Variants in CACNA1E observed in about 807,000 individuals in gnomAD.
The protein encoded by CACNA1E is voltage-dependent R-type calcium channel subunit alpha-1E.
Under a neutral mutation model 259.2 loss-of-function variants are expected in CACNA1E, and 40 were observed. The ratio of observed to expected loss-of-function variants is 0.15; its 90% CI spans 0.12 to 0.20. The LOEUF is 0.20. CACNA1E is among the 10% of genes least tolerant of loss of function. The pLI, the probability that CACNA1E is intolerant of heterozygous loss-of-function variation, is 1.00. For missense variants in CACNA1E, 1,874 were observed against 3,040.1 expected (o/e 0.62, Z 9.02); for synonymous variants, 1,104 against 1,138.5 (o/e 0.97, Z 0.61).
At chr1:181,416,254 A>G (rs1434897235) in intron 2 of CACNA1E, among the ~76,000 whole-genome samples, 4 of 152,220 alleles carry the variant, frequency 2.6e-5, no homozygotes, top group Admixed American at 6.5e-5. Context: ...AGGCCAGGCC[A>G]TCTTGGTTCC....
chr1:181,625,147 G>C (rs921852052), intron 6 of CACNA1E, among the ~76,000 whole-genome samples: 1 of 146,704 alleles, frequency 6.8e-6, no homozygotes, highest in African/African-American at 2.5e-5. Context: ...TCCAGGCTTT[G>C]TTGTTTCATT....
chr1:181,679,910 C>G (rs974972810), intron 7 of CACNA1E, among the ~76,000 whole-genome samples: 2 of 151,936 alleles, frequency 1.3e-5, no homozygotes, highest in Admixed American at 1.3e-4. Context: ...CTTGAGCAGA[C>G]TGGGCAACAT....
intron 44 of CACNA1E, 36 bp from the exon 45 acceptor site, chr1:181,793,629 C>A: frequency 6.3e-7 from 1 of 1,598,850 alleles, no homozygotes; most frequent in Admixed American, 1.7e-5. Context: ...GAGATGGAAC[C>A]AAGTCCCACA....
At chr1:181,615,440 G>A (rs538133000) in intron 6 of CACNA1E, among the ~76,000 whole-genome samples, 4 of 152,122 alleles carry the variant, frequency 2.6e-5, no homozygotes, top group African/African-American at 9.6e-5. Context: ...TGCTCGCCTC[G>A]GCCTCCTAAA....
At chr1:181,505,394 C>T (rs757917151) in intron 1 of CACNA1E, among the ~76,000 whole-genome samples, 5 of 151,458 alleles carry the variant, frequency 3.3e-5, no homozygotes, top group Admixed American at 6.6e-5. Flanking sequence ...TTTTTTGAGA[C>T]GGAGTCTTGC....
At chr1:181,386,528 A>C (rs1655861405) in intron 1 of CACNA1E, among the ~76,000 whole-genome samples, 1 of 152,256 alleles carries the variant, frequency 6.6e-6, no homozygotes, top group African/African-American at 2.4e-5. Context: ...AATCAGGATC[A>C]GAGCCATCCA....
chr1:181,322,807 C>G (rs948295602), intron 1 of CACNA1E, among the ~76,000 whole-genome samples: 3 of 152,184 alleles, frequency 2.0e-5, no homozygotes, highest in Non-Finnish European at 2.9e-5. Flanking sequence ...TCCATAAACA[C>G]TAGTCTGGGC....
At chr1:181,346,863 T>TTGGACC (rs1393409084) in intron 1 of CACNA1E, among the ~76,000 whole-genome samples, 1 of 152,102 alleles carries the variant, frequency 6.6e-6, no homozygotes, top group African/African-American at 2.4e-5. Context: ...GGGCCACTGC[T>TTGGACC]TGGACCATAA....
chr1:181,571,546 C>A (rs1650413310), intron 3 of CACNA1E, among the ~76,000 whole-genome samples: 1 of 152,198 alleles, frequency 6.6e-6, no homozygotes, highest in South Asian at 2.1e-4. Flanking sequence ...ATGGACACAG[C>A]AACTCATTTA....
At chr1:181,396,429 G>A (rs1656686030) in intron 1 of CACNA1E, among the ~76,000 whole-genome samples, 1 of 152,230 alleles carries the variant, frequency 6.6e-6, no homozygotes, top group African/African-American at 2.4e-5. Flanking sequence ...GGAGGGCATT[G>A]ATAACCTTAA....
chr1:181,371,893 G>A (rs1430375629), intron 1 of CACNA1E, among the ~76,000 whole-genome samples: 1 of 152,186 alleles, frequency 6.6e-6, no homozygotes, highest in Non-Finnish European at 1.5e-5. Flanking sequence ...TCAGATGGTT[G>A]TAGGCATGTG....
chr1:181,559,799 G>A (rs565953470), intron 3 of CACNA1E, among the ~76,000 whole-genome samples: 1 of 152,214 alleles, frequency 6.6e-6, no homozygotes, highest in East Asian at 1.9e-4. Context: ...GGCTAAGGAG[G>A]GGCCACAGAG....
intron 1 of CACNA1E, among the ~76,000 whole-genome samples, chr1:181,394,715 TGAG>T (rs1656532387): frequency 6.6e-6 from 1 of 152,146 alleles, no homozygotes; most frequent in Non-Finnish European, 1.5e-5. Flanking sequence ...AGGTGATATT[TGAG>T]CAAATATGTG....
chr1:181,510,012 A>G (rs1227939236), intron 1 of CACNA1E, among the ~76,000 whole-genome samples: 1 of 152,172 alleles, frequency 6.6e-6, no homozygotes, highest in East Asian at 1.9e-4. Flanking sequence ...AGCCCAGGAG[A>G]GCAATGGATT....
intron 2 of CACNA1E, among the ~76,000 whole-genome samples, chr1:181,444,351 T>G (rs1660678231): frequency 1.3e-5 from 2 of 151,912 alleles, no homozygotes; most frequent in Non-Finnish European, 2.9e-5. Context: ...AGATTTTTCT[T>G]TATATTGTGT....
At chr1:181,552,881 A>G (rs931036765) in intron 3 of CACNA1E, among the ~76,000 whole-genome samples, 2 of 152,044 alleles carry the variant, frequency 1.3e-5, no homozygotes, top group Admixed American at 1.3e-4. Context: ...ACCCAGTACC[A>G]TGGTGTTTCG....
intron 1 of CACNA1E, among the ~76,000 whole-genome samples, chr1:181,339,366 C>T (rs114199230): frequency 3.1e-4 from 47 of 151,910 alleles, no homozygotes; most frequent in Non-Finnish European, 5.3e-4. Context: ...TTTTAGTGCA[C>T]AGATCTTTCA....
At chr1:181,567,919 A>G (rs1308932933) in intron 3 of CACNA1E, among the ~76,000 whole-genome samples, 1 of 152,144 alleles carries the variant, frequency 6.6e-6, no homozygotes, top group Non-Finnish European at 1.5e-5. Context: ...ATGAAACATT[A>G]TGTAATTTTA....
At chr1:181,461,521 A>G (rs1361131600) in intron 2 of CACNA1E, among the ~76,000 whole-genome samples, 1 of 142,606 alleles carries the variant, frequency 7.0e-6, no homozygotes, top group African/African-American at 2.7e-5. Flanking sequence ...AGCCTGGGCG[A>G]CAGAGCAAGA....
Sources: allele counts gnomAD v4.1 joint callset (sites outside exome capture counted in the v4.1 genomes callset), GRCh38; gene constraint gnomAD v4.1.1; transcripts MANE v1.5; gene names NCBI Gene and HGNC (gene_info 2026-07-23, HGNC 2026-07-21).